Variants in ATRNL1 observed in about 807,000 individuals in gnomAD.
ATRNL1 encodes attractin-like protein 1.
A neutral mutation model predicts 182.7 loss-of-function variants in ATRNL1; 95 were observed. The ratio of observed to expected loss-of-function variants is 0.52; its 90% CI spans 0.44 to 0.62. The LOEUF (loss-of-function observed/expected upper bound fraction) is 0.62. ATRNL1 is among the 20% of genes least tolerant of loss of function. The pLI is 0.00. For missense variants in ATRNL1, 1,471 were observed against 1,679.5 expected (o/e 0.88, Z 2.17); for synonymous variants, 576 against 568.3 (o/e 1.01, Z -0.19).
At chr10:115,357,205 G>C (rs1225322462) in intron 19 of ATRNL1, among the ~76,000 whole-genome samples, 2 of 151,810 alleles carry the variant, frequency 1.3e-5, no homozygotes, top group Admixed American at 6.6e-5. Context: ...GACAGGCCTA[G>C]GGTGAAGAAA....
At chr10:115,116,797 G>A (rs1554870087) in intron 1 of ATRNL1, among the ~76,000 whole-genome samples, 2 of 152,060 alleles carry the variant, frequency 1.3e-5, no homozygotes, top group Non-Finnish European at 2.9e-5. Context: ...TTTGTAGTAA[G>A]TGGAGGAAAA....
intron 5 of ATRNL1, among the ~76,000 whole-genome samples, chr10:115,156,523 A>G (rs1461695167): frequency 2.0e-5 from 3 of 152,250 alleles, no homozygotes; most frequent in Middle Eastern, 3.4e-3. Flanking sequence ...TCAGAGCACA[A>G]TTCTACTCTG....
intron 10 of ATRNL1, among the ~76,000 whole-genome samples, chr10:115,244,492 G>A (rs1421482744): frequency 2.6e-5 from 4 of 152,092 alleles, no homozygotes; most frequent in South Asian, 2.1e-4. Context: ...TGGATACTGG[G>A]CATCTATGTT....
In ATRNL1 at chr10:115,732,510, C is replaced by T. The variant is rs117979581; in HGVS notation, c.3903+5155C>T. Among the ~76,000 whole-genome samples the T allele has an allele frequency of 9.2e-5, 14 of 152,260 alleles. No homozygotes were observed. In the East Asian group the frequency reaches 2.5e-3, roughly 27 times the overall value. On this transcript the variant is annotated intron_variant, in intron 27 of 28. Transcript: ENST00000355044. Reference sequence around the variant, plus strand: ...CAAAATGTTTAAATTGAGGTTAAAACATTATTTTTCAAAATTCCTTTACAT... The same window carrying T: ...CAAAATGTTTAAATTGAGGTTAAAATATTATTTTTCAAAATTCCTTTACAT...
rs12245971 is a variant in ATRNL1, at chr10:115,689,120, A to T, written c.3796-38128A>T. Among the ~76,000 whole-genome samples the T allele has an allele frequency of 9.6e-3, 1,457 of 152,022 alleles. 25 individuals are homozygous for T. The highest frequency in any genetic ancestry group is 0.033 in the African/African-American group (1,377 of 41,460). On this transcript the variant is annotated intron_variant, in intron 26 of 28. Transcript: ENST00000355044. ...GGATCAGTTGGCTGTAAATATTTCA[A>T]TTTGTTTCTGGGTTCTCTACTCTGT...
At chr10:115,121,572 C>A (rs1390014222) in intron 2 of ATRNL1, 127 bp from the exon 3 acceptor site, 3 of 391,310 alleles carry the variant, frequency 7.7e-6, no homozygotes, top group Non-Finnish European at 1.3e-5. Flanking sequence ...AAACAGATTT[C>A]TAATAAAATA....
chr10:115,744,186 C>T (rs1223645667), intron 27 of ATRNL1, among the ~76,000 whole-genome samples: 1 of 152,010 alleles, frequency 6.6e-6, no homozygotes, highest in African/African-American at 2.4e-5. Context: ...TTAGAAACTA[C>T]GTTCACAAAA....
intron 27 of ATRNL1, among the ~76,000 whole-genome samples, chr10:115,751,963 C>A (rs895765887): frequency 5.3e-5 from 8 of 151,862 alleles, no homozygotes; most frequent in Admixed American, 5.3e-4. Flanking sequence ...GGTAGGTAGA[C>A]CTAAGTGTAC....
intron 8 of ATRNL1, among the ~76,000 whole-genome samples, chr10:115,189,552 A>G (rs1554889428): frequency 2.0e-5 from 3 of 152,100 alleles, no homozygotes; most frequent in African/African-American, 7.2e-5. Context: ...TTTTAGCAAA[A>G]AATTTTAAAA....
intron 25 of ATRNL1, among the ~76,000 whole-genome samples, chr10:115,529,712 T>C (rs1399825363): frequency 2.6e-5 from 4 of 152,126 alleles, no homozygotes; most frequent in Non-Finnish European, 5.9e-5. Flanking sequence ...CATTGTCTAA[T>C]TTTTAAACGT....
chr10:115,282,950 T>C (rs1453635234), intron 14 of ATRNL1, among the ~76,000 whole-genome samples: 1 of 152,042 alleles, frequency 6.6e-6, no homozygotes, highest in East Asian at 1.9e-4. Context: ...GTATTTCTCC[T>C]CCTAATGCTA....
intron 27 of ATRNL1, among the ~76,000 whole-genome samples, chr10:115,731,859 C>T (rs1335131727): frequency 7.0e-6 from 1 of 142,916 alleles, no homozygotes; most frequent in Non-Finnish European, 1.5e-5. Flanking sequence ...AACGATTAAT[C>T]TACCATCTTT....
intron 27 of ATRNL1, among the ~76,000 whole-genome samples, chr10:115,793,304 T>A (rs1179461516): frequency 6.6e-6 from 1 of 152,094 alleles, no homozygotes; most frequent in African/African-American, 2.4e-5. Context: ...GTAATAAACT[T>A]ATCTGGCATG....
intron 27 of ATRNL1, among the ~76,000 whole-genome samples, chr10:115,843,737 A>G (rs1046133870): frequency 6.6e-6 from 1 of 152,082 alleles, no homozygotes; most frequent in Non-Finnish European, 1.5e-5. Flanking sequence ...GACCCAAGAC[A>G]TGGTCAGCAC....
intron 24 of ATRNL1, among the ~76,000 whole-genome samples, chr10:115,507,178 A>G (rs184561866): frequency 6.6e-4 from 101 of 152,110 alleles, no homozygotes; most frequent in African/African-American, 2.2e-3. Flanking sequence ...TTTCTGATTA[A>G]TTTCTCCAAA....
chr10:115,732,218 G>C (rs781946832), intron 27 of ATRNL1, among the ~76,000 whole-genome samples: 3 of 152,058 alleles, frequency 2.0e-5, no homozygotes, highest in Non-Finnish European at 4.4e-5. Flanking sequence ...ACTTTTTACC[G>C]CTTGTTGAAA....
intron 26 of ATRNL1, among the ~76,000 whole-genome samples, chr10:115,620,050 A>AAT (rs1565219283): frequency 2.2e-4 from 34 of 152,340 alleles, no homozygotes; most frequent in Non-Finnish European, 3.7e-4. Flanking sequence ...AGGCTGGATA[A>AAT]CTTATAAATA....
At position 115,171,274 on chromosome 10, in the gene ATRNL1, A is replaced by G. The variant is rs372322547; in HGVS notation, c.1330A>G (p.Ile444Val). The change falls in exon 8 of 29, where the codon ATA becomes GTA. Residue 444 changes from isoleucine to valine, a missense_variant. Ile to Val is a conservative substitution (Grantham distance 29). Around this residue, in one of 3 missense-constraint regions of ATRNL1, gnomAD observed 1,031 missense variants for 1,156.0 expected, o/e 0.89. Coordinates refer to ENST00000355044, the MANE Select transcript of ATRNL1 (RefSeq NM_207303.4). ...TGCAATATATGGTTATACAAGCAGCATACAGGAATACCATATCTGTGAGTT... is the reference window on the plus strand; with the variant it reads ...TGCAATATATGGTTATACAAGCAGCGTACAGGAATACCATATCTGTGAGTT... ...YSAIYGYTSS[I>V]QEYHISSNTW... 3 of 1,593,912 alleles carry G rather than the reference A, an allele frequency of 1.9e-6. No individual in the cohort carries two copies. The highest frequency in any genetic ancestry group is 2.6e-6 in the Non-Finnish European group (3 of 1,166,684).
chr10:115,318,619 G>C (rs554219936), intron 18 of ATRNL1, among the ~76,000 whole-genome samples: 1 of 151,854 alleles, frequency 6.6e-6, no homozygotes, highest in African/African-American at 2.4e-5. Flanking sequence ...GTCTTGGGAG[G>C]GTGTGTGTAT....
Sources: gnomAD v4.1 joint callset for allele counts (sites outside exome capture counted in the v4.1 genomes callset) on GRCh38, gnomAD v4.1.1 for gene constraint, gnomAD v4.1.1 regional missense constraint, MANE v1.5 for transcripts, NCBI Gene and HGNC (gene_info 2026-07-23, HGNC 2026-07-21) for gene names.